Variants in LRRC34 observed in about 807,000 individuals in gnomAD.
The protein encoded by LRRC34 is leucine-rich repeat-containing protein 34.
Under a neutral mutation model 48.5 loss-of-function variants are expected in LRRC34, and 44 were observed. The ratio of observed to expected loss-of-function variants is 0.91; its 90% confidence interval spans 0.71 to 1.17. LRRC34 has a LOEUF of 1.17. Among genes scored for constraint, LRRC34 ranks in the 50% most tolerant of loss-of-function variants. The pLI, the probability that LRRC34 is intolerant of heterozygous loss-of-function variation, is 0.00. For synonymous variants in LRRC34, 192 were observed against 197.6 expected (o/e 0.97, Z 0.24); for missense variants, 502 against 563.0 (o/e 0.89, Z 1.10).
chr3:169,796,459 C>T, intron 8 of LRRC34, 90 bp from the exon 9 acceptor site: 1 of 1,389,902 alleles, frequency 7.2e-7, no homozygotes, highest in Non-Finnish European at 9.8e-7. Flanking sequence ...ACAGTACTTT[C>T]TGTTTTAGTA....
At chr3:169,809,481 TAAG>T (rs545087275) in intron 1 of LRRC34, among the ~76,000 whole-genome samples, 82 of 152,324 alleles carry the variant, frequency 5.4e-4, no homozygotes, top group African/African-American at 1.8e-3. Flanking sequence ...CCTAAGTTCT[TAAG>T]AAGACAGACA....
intron 5 of LRRC34, 74 bp from the exon 6 acceptor site, chr3:169,804,255 G>A (rs974916163): frequency 8.2e-7 from 1 of 1,225,914 alleles, no homozygotes; most frequent in Non-Finnish European, 1.1e-6. Context: ...TTAGGAGACT[G>A]TATTACTATT....
chr3:169,806,709 A>G (rs148101250), intron 5 of LRRC34, 139 bp downstream of exon 5: 2 of 562,006 alleles, frequency 3.6e-6, no homozygotes, highest in African/African-American at 1.9e-5. Context: ...CTACACTTGA[A>G]TAAATTAAAG....
At chr3:169,808,480 C>T (rs572762511) in intron 2 of LRRC34, 148 bp downstream of exon 2, 51 of 554,970 alleles carry the variant, frequency 9.2e-5, no homozygotes, top group African/African-American at 8.1e-4. Flanking sequence ...AACAGTGTTG[C>T]TCGTGTACTT....
chr3:169,803,911 C>A, intron 6 of LRRC34, 142 bp downstream of exon 6: 1 of 588,032 alleles, frequency 1.7e-6, no homozygotes, highest in Non-Finnish European at 2.7e-6. Flanking sequence ...TATTAATAAT[C>A]TGCACTATTA....
chr3:169,802,355 T>A (rs1441122583), intron 6 of LRRC34, among the ~76,000 whole-genome samples: 2 of 152,162 alleles, frequency 1.3e-5, no homozygotes, highest in East Asian at 3.8e-4. Flanking sequence ...GCCTGGAAGG[T>A]TCTGACATGG....
rs563020750 is a variant in LRRC34, at chr3:169,795,356, CTT to C, written c.1191+127_1191+128del. 155 of 936,868 alleles carry C rather than the reference CTT, an allele frequency of 1.7e-4. 1 individual carries two copies. In the African/African-American group the frequency reaches 2.4e-3, roughly 15 times the overall value. 58.0% of individuals were successfully genotyped at this position (936,868 alleles called of 1,614,324 possible). On this transcript the variant is annotated intron_variant, in intron 10 of 10. Coordinates refer to ENST00000446859, the MANE Select transcript of LRRC34 (RefSeq NM_001172779.2). ...AACTCTCTAGTAGTTAATTTTAAGACTTATGTTAATTATCAAAACTGCAGTGT... is the reference window on the plus strand; with the variant it reads ...AACTCTCTAGTAGTTAATTTTAAGACATGTTAATTATCAAAACTGCAGTGT...
In LRRC34 at chr3:169,796,355, T is replaced by A; in HGVS notation, c.923A>T (p.His308Leu). 1.2e-6 allele frequency: 2 copies of A among 1,600,906 alleles called. No individual in the cohort carries two copies. The highest frequency in any genetic ancestry group is 1.7e-6 in the Non-Finnish European group (2 of 1,176,882). The change falls in exon 9 of 11, where the codon CAT (histidine) becomes CTT (leucine). Residue 308 changes from histidine to leucine, a missense_variant. Physicochemically the swap from His to Leu is moderately conservative, Grantham distance 99 (BLOSUM62 -3). Transcript: ENST00000446859. The part of the protein sequence containing the change: ...YLDVSCNKIT[H>L]DGMVYLADVL... Reference sequence around the variant, plus strand: ...ATCAGCCAAATACACCATTCCATCATGAGTTATTTTGTTGCTGGCAAAGGA... The same window carrying A: ...ATCAGCCAAATACACCATTCCATCAAGAGTTATTTTGTTGCTGGCAAAGGA...
rs752429465 is a variant in LRRC34 at position 169,806,848 on chromosome 3, A to G, written c.528T>C (p.His176=). ...TAGTTTGAAATACATAAATGCTTAC[A>G]TGTAGCACTTTAGCAATCAATTCTC... ...EGGELIAKVL[H]KNRTLKYLRM... The change falls in exon 5 of 11, where the codon CAT becomes CAC. Residue 176 remains histidine (H), a splice_region_variant and synonymous_variant. Transcript: ENST00000446859. 10 of 1,580,454 alleles carry G rather than the reference A, an allele frequency of 6.3e-6. No homozygotes were observed. Among genetic ancestry groups the G allele is most frequent in the Non-Finnish European group, 7.8e-6 (9 of 1,153,104 alleles).
At chr3:169,807,074 A>C (rs3796145) in intron 4 of LRRC34, 143 bp from the exon 5 acceptor site, 130,215 of 506,924 alleles carry the variant, frequency 0.26, 20,466 homozygotes, top group East Asian at 0.62. Context: ...AACCAAGAAA[A>C]ACTGTATCCT....
At chr3:169,795,322 G>T in intron 10 of LRRC34, 163 bp downstream of exon 10, 1 of 578,034 alleles carries the variant, frequency 1.7e-6, no homozygotes, top group Non-Finnish European at 2.7e-6. Context: ...TTGGTTATTT[G>T]AACCACCAAA....
chr3:169,800,482 G>A (rs112677487), intron 7 of LRRC34, among the ~76,000 whole-genome samples, 177 bp downstream of exon 7: 3,596 of 152,220 alleles, frequency 0.024, 60 homozygotes, highest in African/African-American at 0.047. Context: ...AGTTATAAAC[G>A]TCTTACCAAG....
At chr3:169,802,929 A>G (rs1779246574) in intron 6 of LRRC34, among the ~76,000 whole-genome samples, 1 of 151,998 alleles carries the variant, frequency 6.6e-6, no homozygotes, top group South Asian at 2.1e-4. Context: ...GTGAGCCGAG[A>G]TCACGCCATT....
intron 9 of LRRC34, 55 bp downstream of exon 9, chr3:169,796,155 GGTTA>G (rs1398044552): frequency 1.5e-5 from 23 of 1,536,400 alleles, no homozygotes; most frequent in Non-Finnish European, 2.0e-5. Flanking sequence ...AGGGGATTGA[GGTTA>G]GTATTTAAAA....
intron 6 of LRRC34, among the ~76,000 whole-genome samples, chr3:169,801,363 T>C (rs1327573052): frequency 6.6e-6 from 1 of 152,086 alleles, no homozygotes; most frequent in Non-Finnish European, 1.5e-5. Context: ...AAAAGATGTC[T>C]CAAATTAGTC....
Position 169,793,009 on chromosome 3 carries a change from A to G in LRRC34, c.*626T>C, listed in dbSNP as rs1360371945. 1.3e-5 allele frequency among the ~76,000 whole-genome samples: 2 copies of G among 152,226 alleles called. No homozygotes were observed. The highest frequency in any genetic ancestry group is 4.8e-5 in the African/African-American group (2 of 41,464). Reference sequence around the variant, plus strand: ...AAGAAGCCAGACACAAAGAGAGTGTATACTGTATGCTTCCATTTATATAAA... The same window carrying G: ...AAGAAGCCAGACACAAAGAGAGTGTGTACTGTATGCTTCCATTTATATAAA... On this transcript the variant is annotated 3_prime_UTR_variant, in exon 11 of 11. Transcript: ENST00000446859.
Position 169,795,497 on chromosome 3 carries a change from C to G in LRRC34, c.1179G>C (p.Glu393Asp). 1 of 1,611,606 alleles carries G rather than the reference C, an allele frequency of 6.2e-7. No homozygotes were observed. The highest frequency in any genetic ancestry group is 1.1e-5 in the South Asian group (1 of 90,850). Reference sequence around the variant, plus strand: ...ACTTAAAACTTACTATACACGTAGCCTCATCAAATTTGTTTCCCCAAATGT... The same window carrying G: ...ACTTAAAACTTACTATACACGTAGCGTCATCAAATTTGTTTCCCCAAATGT... ...HIYIWGNKFD[E>D]ATCIAYSDLI... The change falls in exon 10 of 11, where the codon GAG becomes GAC. Residue 393 changes from glutamate to aspartate, a missense_variant. Glu to Asp is a conservative substitution (Grantham distance 45). Transcript: ENST00000446859.
intron 7 of LRRC34, among the ~76,000 whole-genome samples, chr3:169,800,184 G>A (rs1210253211): frequency 6.6e-6 from 1 of 152,144 alleles, no homozygotes; most frequent in Non-Finnish European, 1.5e-5. Context: ...AGTCATGAAA[G>A]TAGGAACCAC....
intron 6 of LRRC34, among the ~76,000 whole-genome samples, chr3:169,802,720 C>A (rs1166087410): frequency 1.3e-5 from 2 of 152,120 alleles, no homozygotes; most frequent in African/African-American, 2.4e-5. Flanking sequence ...CTCCTGTAAT[C>A]CCAGCACTTT....
Sources: allele counts gnomAD v4.1 joint callset (sites outside exome capture counted in the v4.1 genomes callset), GRCh38; gene constraint gnomAD v4.1.1; transcripts MANE v1.5; gene names NCBI Gene and HGNC (gene_info 2026-07-23, HGNC 2026-07-21).